Variants in DGCR2 observed in about 807,000 individuals in gnomAD.
DGCR2 encodes integral membrane protein DGCR2/IDD.
A neutral mutation model predicts 51.6 loss-of-function variants in DGCR2; 24 were observed. The observed-to-expected ratio is 0.47, with a 90% CI of 0.34 to 0.65. The LOEUF (loss-of-function observed/expected upper bound fraction) is 0.65. Among genes scored for constraint, DGCR2 ranks in the 30% least tolerant of loss-of-function variants. The probability of loss-of-function intolerance (pLI) is 0.01; values close to 1 mark genes in which losing one functional copy is unlikely to be tolerated. For synonymous variants in DGCR2, 340 were observed against 315.4 expected, an observed-to-expected ratio of 1.08 and a Z score of -0.82; for missense variants, 765 against 772.1, an observed-to-expected ratio of 0.99 and a Z score of 0.11.
intron 6 of DGCR2, chr22:19,056,560 A>AG: frequency 2.8e-6 from 1 of 360,382 alleles, no homozygotes. Flanking sequence ...TTAATAAAAA[A>AG]AAAAAAACAC....
At chr22:19,068,432 G>A (rs991841832) in intron 2 of DGCR2, among the ~76,000 whole-genome samples, 4 of 152,240 alleles carry the variant, frequency 2.6e-5, no homozygotes, top group South Asian at 2.1e-4. Flanking sequence ...AAATTATGCC[G>A]TGGCAGTTTT....
chr22:19,039,266 C>T (rs1309020029), intron 9 of DGCR2, 145 bp from the exon 10 acceptor site: 13 of 993,792 alleles, frequency 1.3e-5, no homozygotes, highest in South Asian at 1.0e-4. Flanking sequence ...GTGGCTCCCC[C>T]GGGCCTCAGA....
At chr22:19,088,542 G>T (rs1442529140) in intron 2 of DGCR2, among the ~76,000 whole-genome samples, 1 of 152,224 alleles carries the variant, frequency 6.6e-6, no homozygotes, top group Non-Finnish European at 1.5e-5. Flanking sequence ...GGTTGGCAAA[G>T]CAGACCTAAA....
chr22:19,045,005 A>G (rs1247337734), intron 7 of DGCR2, among the ~76,000 whole-genome samples: 1 of 152,184 alleles, frequency 6.6e-6, no homozygotes, highest in African/African-American at 2.4e-5. Context: ...TGTTTTTTTT[A>G]AGGATCATGC....
chr22:19,041,424 C>T, intron 8 of DGCR2, 130 bp from the exon 9 acceptor site: 1 of 875,836 alleles, frequency 1.1e-6, no homozygotes, highest in South Asian at 1.6e-5. Context: ...CCGCTGCCTA[C>T]CCCTCGGCCA....
chr22:19,085,343 T>C (rs2083003324), intron 2 of DGCR2, among the ~76,000 whole-genome samples: 1 of 152,214 alleles, frequency 6.6e-6, no homozygotes, highest in Non-Finnish European at 1.5e-5. Context: ...CTGCTGCCAA[T>C]ACTGCAGCTG....
chr22:19,080,035 T>TTA (rs1333972843), intron 2 of DGCR2, among the ~76,000 whole-genome samples: 1 of 152,202 alleles, frequency 6.6e-6, no homozygotes, highest in Non-Finnish European at 1.5e-5. Context: ...AAACCTTCCA[T>TTA]TATGTTGACA....
At chr22:19,083,215 C>T (rs537239795) in intron 2 of DGCR2, among the ~76,000 whole-genome samples, 5 of 152,302 alleles carry the variant, frequency 3.3e-5, no homozygotes, top group East Asian at 3.9e-4. Context: ...CATCCTTCTC[C>T]GACTGTCACA....
chr22:19,117,943 G>A (rs1394744030), intron 1 of DGCR2, among the ~76,000 whole-genome samples: 4 of 152,170 alleles, frequency 2.6e-5, no homozygotes, highest in Non-Finnish European at 4.4e-5. Flanking sequence ...CCAAACTCAG[G>A]AGGATTTGGC....
chr22:19,076,724 A>ATTTTTTTTTTTTTT (rs1165827499), intron 2 of DGCR2, among the ~76,000 whole-genome samples: 2 of 79,936 alleles, frequency 2.5e-5, no homozygotes, highest in African/African-American at 5.3e-5. Context: ...TCCTTTGCAC[A>ATTTTTTTTTTTTTT]TTTTTTTTTT....
At chr22:19,090,971 T>C (rs1444093088) in intron 1 of DGCR2, among the ~76,000 whole-genome samples, 2 of 152,004 alleles carry the variant, frequency 1.3e-5, no homozygotes, top group African/African-American at 4.8e-5. Flanking sequence ...CAACTACATA[T>C]TACCTAAAAC....
intron 1 of DGCR2, among the ~76,000 whole-genome samples, chr22:19,101,181 T>A (rs62221752): frequency 3.9e-5 from 6 of 152,116 alleles, no homozygotes; most frequent in Non-Finnish European, 1.5e-5. Flanking sequence ...AACCTTTTAA[T>A]AGAATTATCA....
At chr22:19,111,289 C>T (rs796636804) in intron 1 of DGCR2, among the ~76,000 whole-genome samples, 7 of 152,300 alleles carry the variant, frequency 4.6e-5, no homozygotes, top group African/African-American at 1.7e-4. Flanking sequence ...GATGCTGGTG[C>T]AGTCAGAACT....
At chr22:19,088,023 C>T (rs1023705172) in intron 2 of DGCR2, among the ~76,000 whole-genome samples, 4 of 152,174 alleles carry the variant, frequency 2.6e-5, no homozygotes, top group Admixed American at 6.6e-5. Flanking sequence ...TCTGACCAGA[C>T]CATCTCTGCT....
intron 1 of DGCR2, among the ~76,000 whole-genome samples, chr22:19,115,210 C>G (rs530078308): frequency 6.6e-6 from 1 of 152,226 alleles, no homozygotes; most frequent in African/African-American, 2.4e-5. Flanking sequence ...TCACACAGGG[C>G]AGTCCAGTTC....
chr22:19,067,267 C>T (rs756443934), intron 3 of DGCR2, among the ~76,000 whole-genome samples: 2 of 152,222 alleles, frequency 1.3e-5, no homozygotes, highest in East Asian at 1.9e-4. Flanking sequence ...GGGTACCTCG[C>T]GCCTGAGAGG....
chr22:19,110,209 G>A (rs2083299834), intron 1 of DGCR2, among the ~76,000 whole-genome samples: 1 of 152,232 alleles, frequency 6.6e-6, no homozygotes, highest in Non-Finnish European at 1.5e-5. Context: ...TAAGGTTAAT[G>A]GAGCTATTAC....
Position 19,062,779 on chromosome 22 carries a change from A to ATTCATTCTCTCT in DGCR2, c.625+422_625+423insAGAGAGAATGAA. Among the ~76,000 whole-genome samples the ATTCATTCTCTCT allele has an allele frequency of 6.0e-4, 77 of 127,440 alleles. 2 individuals carry two copies. Among genetic ancestry groups the ATTCATTCTCTCT allele is most frequent in the Non-Finnish European group, 1.1e-3 (63 of 55,396 alleles). The allele number at this position is 127,440 out of a possible 152,430, so 83.6% of individuals were successfully genotyped here. ...TGCGCACACACACACATGCATGCTC[A>ATTCATTCTCTCT]CTCTCTCTCTCTCTCTCTCTCTCTC... On this transcript the variant is annotated intron_variant, in intron 5 of 9. Transcript: ENST00000263196.
chr22:19,048,210 G>A (rs62221712), intron 7 of DGCR2: 60,191 of 582,054 alleles, frequency 0.1, 3,442 homozygotes, highest in Middle Eastern at 0.15. Context: ...TGTGAATGCT[G>A]CCTGTCACCC....
Sources: allele counts gnomAD v4.1 joint callset (sites outside exome capture counted in the v4.1 genomes callset), GRCh38; gene constraint gnomAD v4.1.1; transcripts MANE v1.5; gene names NCBI Gene and HGNC (gene_info 2026-07-23, HGNC 2026-07-21).